ARHGAP8: variants seen among roughly 807,000 people sequenced by gnomAD.
ARHGAP8 encodes Rho GTPase activating protein 8, also known as rho GTPase-activating protein 8.
ARHGAP8 carries 62 observed loss-of-function variants against 46.1 expected under a neutral mutation model. The ratio of observed to expected loss-of-function variants is 1.34; its 90% CI spans 1.10 to 1.66. The LOEUF is 1.66. Ranked by LOEUF, ARHGAP8 falls within the 40% of genes most tolerant of loss-of-function variation. The pLI, the probability that ARHGAP8 is intolerant of heterozygous loss-of-function variation, is 0.00. For synonymous variants in ARHGAP8, 375 were observed against 243.1 expected (o/e 1.54, Z -5.05); for missense variants, 923 against 568.4 (o/e 1.62, Z -6.34).
chr22:44,779,812 A>C (rs5765004), intron 1 of ARHGAP8, among the ~76,000 whole-genome samples: 1 of 151,810 alleles, frequency 6.6e-6, no homozygotes, highest in Non-Finnish European at 1.5e-5. Context: ...CGGTTGATCC[A>C]CCTGCCTCGG....
chr22:44,855,380 G>T (rs1253842324), intron 10 of ARHGAP8, among the ~76,000 whole-genome samples: 2 of 151,628 alleles, frequency 1.3e-5, no homozygotes, highest in African/African-American at 4.8e-5. Context: ...GCCCAGGCTG[G>T]TTTCAAACTC....
chr22:44,772,222 CCTTTTTTTTT>C, intron 1 of ARHGAP8, among the ~76,000 whole-genome samples: 1 of 7,792 alleles, frequency 1.3e-4, no homozygotes, highest in East Asian at 3.0e-3. Context: ...TACTGTTTTG[CCTTTTTTTTT>C]TTTTTTTTTT....
intron 7 of ARHGAP8, among the ~76,000 whole-genome samples, chr22:44,826,457 C>T (rs1569165513): frequency 6.6e-6 from 1 of 152,164 alleles, no homozygotes; most frequent in Non-Finnish European, 1.5e-5. Context: ...CAGAGTCTTG[C>T]TCTGCTTCTC....
At chr22:44,795,490 C>A (rs1393919276) in intron 2 of ARHGAP8, among the ~76,000 whole-genome samples, 2 of 152,068 alleles carry the variant, frequency 1.3e-5, no homozygotes, top group Admixed American at 1.3e-4. Flanking sequence ...ACCCTCTGGG[C>A]CAGCTGACCA....
chr22:44,822,387 A>C lies in ARHGAP8; in HGVS notation c.403A>C (p.Lys135Gln). 1 of 1,581,634 alleles carries C rather than the reference A, an allele frequency of 6.3e-7. No homozygotes were observed. The highest frequency in any genetic ancestry group is 8.6e-7 in the Non-Finnish European group (1 of 1,168,856). The change falls in exon 6 of 12, where the codon AAA (lysine) becomes CAA (glutamine). Residue 135 changes from lysine (K) to glutamine (Q), a missense_variant. Coordinates refer to ENST00000356099, the MANE Select transcript of ARHGAP8 (RefSeq NM_181335.3). ...CTTTCTTAGTCACAAGTTTGGGAAG[A>C]AAGTCATCTATTTCAACTACCTGAG... ...KPLISHKFGK[K>Q]VIYFNYLSEL...
At chr22:44,849,113 C>A in intron 10 of ARHGAP8, 53 bp downstream of exon 10, 1 of 1,607,554 alleles carries the variant, frequency 6.2e-7, no homozygotes, top group Non-Finnish European at 8.5e-7. Context: ...AGATGCTGTC[C>A]CCCAGCTACT....
At chr22:44,852,098 C>T (rs977836003) in intron 10 of ARHGAP8, among the ~76,000 whole-genome samples, 3 of 144,808 alleles carry the variant, frequency 2.1e-5, no homozygotes, top group Non-Finnish European at 4.5e-5. Flanking sequence ...GGCTGAGGCA[C>T]GAGAACTGCT....
At chr22:44,769,316 T>C (rs1925831118) in intron 1 of ARHGAP8, among the ~76,000 whole-genome samples, 1 of 152,254 alleles carries the variant, frequency 6.6e-6, no homozygotes, top group Non-Finnish European at 1.5e-5. Context: ...TCCATTCCAC[T>C]GACCTGTATG....
intron 2 of ARHGAP8, chr22:44,801,832 G>C (rs937343334): frequency 1.8e-6 from 1 of 542,552 alleles, no homozygotes; most frequent in Non-Finnish European, 3.3e-6. Context: ...GCTGGGCCTC[G>C]GTTTTCTATC....
At chr22:44,765,144 G>C (rs1017233675) in intron 1 of ARHGAP8, 1 of 152,254 alleles carries the variant, frequency 6.6e-6, no homozygotes, top group Non-Finnish European at 1.5e-5. Flanking sequence ...TGGGGCCACA[G>C]CTGGCCCGGG....
chr22:44,786,285 C>G lies in ARHGAP8; in HGVS notation c.-71-172C>G, dbSNP rs9614931. Among the ~76,000 whole-genome samples the G allele has an allele frequency of 5.6e-5, 8 of 143,536 alleles. No homozygotes were observed. In the South Asian group the frequency reaches 1.1e-3, roughly 20 times the overall value. The allele number at this position is 143,536 out of a possible 152,430, so 94.2% of individuals were successfully genotyped here. A position where few individuals can be genotyped will look rare whatever the true frequency, so the allele number is the denominator to read the frequency against. On this transcript the variant is annotated intron_variant, in intron 1 of 11. Transcript: ENST00000356099. ...TGGGTGCTCGGCTGAGGCAGGGCGCCTAGTGGGTGCTCGGCTGAGGCAGGG... is the reference window on the plus strand; with the variant it reads ...TGGGTGCTCGGCTGAGGCAGGGCGCGTAGTGGGTGCTCGGCTGAGGCAGGG...
intron 6 of ARHGAP8, among the ~76,000 whole-genome samples, chr22:44,825,201 G>A (rs1279969337): frequency 6.6e-6 from 1 of 152,090 alleles, no homozygotes; most frequent in South Asian, 2.1e-4. Context: ...GGGGCTGACC[G>A]CATGGTAAGC....
chr22:44,793,565 C>G (rs537194072), intron 2 of ARHGAP8, among the ~76,000 whole-genome samples: 31 of 152,156 alleles, frequency 2.0e-4, no homozygotes, highest in African/African-American at 4.6e-4. Context: ...GACTCCCTCC[C>G]GATAGATTGC....
chr22:44,839,602 T>G (rs1329630131), intron 7 of ARHGAP8, among the ~76,000 whole-genome samples: 1 of 152,158 alleles, frequency 6.6e-6, no homozygotes, highest in Non-Finnish European at 1.5e-5. Flanking sequence ...CACCTCTCAA[T>G]TGTGGGACCT....
intron 3 of ARHGAP8, among the ~76,000 whole-genome samples, chr22:44,805,299 G>A (rs543795579): frequency 2.6e-5 from 4 of 152,304 alleles, no homozygotes; most frequent in South Asian, 2.1e-4. Flanking sequence ...GCCGGGTACC[G>A]GGAGTGTGAT....
At chr22:44,799,242 A>G (rs1405837757) in intron 2 of ARHGAP8, among the ~76,000 whole-genome samples, 3 of 152,192 alleles carry the variant, frequency 2.0e-5, no homozygotes, top group Non-Finnish European at 4.4e-5. Context: ...CTTCAAAGCC[A>G]CCAAGGCTGC....
chr22:44,755,638 C>T (rs374176056), intron 1 of ARHGAP8, among the ~76,000 whole-genome samples: 2 of 152,314 alleles, frequency 1.3e-5, no homozygotes, highest in South Asian at 4.1e-4. Context: ...TTCTGGCAGC[C>T]TGTTGTGTCC....
intron 7 of ARHGAP8, among the ~76,000 whole-genome samples, chr22:44,838,808 T>C (rs1038783786): frequency 4.6e-5 from 7 of 152,208 alleles, no homozygotes; most frequent in African/African-American, 1.7e-4. Flanking sequence ...ATCTGTGACA[T>C]GGACCACCTG....
Position 44,782,088 on chromosome 22 carries a change from A to G in ARHGAP8, c.-71-4369A>G, listed in dbSNP as rs939981719. Reference sequence around the variant, plus strand: ...GGTGGCTCACGCCTATAATCCCAGCACTTTGGGAGGCTGAGGCGGGCAGAT... The same window carrying G: ...GGTGGCTCACGCCTATAATCCCAGCGCTTTGGGAGGCTGAGGCGGGCAGAT... On this transcript the variant is annotated intron_variant, in intron 1 of 11. Coordinates refer to ENST00000356099, the MANE Select transcript of ARHGAP8 (RefSeq NM_181335.3). Among the ~76,000 whole-genome samples the G allele has an allele frequency of 4.9e-4, 75 of 152,256 alleles. 1 individual carries two copies. The highest frequency in any genetic ancestry group is 1.7e-3 in the East Asian group (9 of 5,146).
Sources: gnomAD v4.1 joint callset for allele counts (sites outside exome capture counted in the v4.1 genomes callset) on GRCh38, gnomAD v4.1.1 for gene constraint, MANE v1.5 for transcripts, NCBI Gene and HGNC (gene_info 2026-07-23, HGNC 2026-07-21) for gene names.